The following RAD51C variants were observed in gnomAD, a reference collection of about 807,000 sequenced individuals.
RAD51C encodes DNA repair protein RAD51 homolog 3.
A neutral mutation model predicts 45.0 loss-of-function variants in RAD51C; 42 were observed. That is an observed-to-expected ratio of 0.93 (90% confidence interval 0.73 to 1.21). The LOEUF (loss-of-function observed/expected upper bound fraction) is 1.21, where lower values mean the gene tolerates loss of function less well. Among genes scored for constraint, RAD51C ranks in the 50% most tolerant of loss-of-function variants. The probability of loss-of-function intolerance (pLI) is 0.00; values close to 1 mark genes in which losing one functional copy is unlikely to be tolerated. For synonymous variants in RAD51C, 172 were observed against 159.8 expected (o/e 1.08, Z -0.58); for missense variants, 474 against 452.2 (o/e 1.05, Z -0.44).
At chr17:58,698,386 A>G (rs150446223) in intron 3 of RAD51C, among the ~76,000 whole-genome samples, 2,823 of 151,176 alleles carry the variant, frequency 0.019, 43 homozygotes, top group Middle Eastern at 0.041. Context: ...GGGTTTCACT[A>G]TGTTAGCCAG....
chr17:58,728,102 A>G (rs1340007396), intron 7 of RAD51C, among the ~76,000 whole-genome samples: 1 of 151,784 alleles, frequency 6.6e-6, no homozygotes, highest in Non-Finnish European at 1.5e-5. Flanking sequence ...AAAATTAGCC[A>G]GGCATGGTGG....
chr17:58,715,191 C>T (rs992337641), intron 5 of RAD51C, among the ~76,000 whole-genome samples: 6 of 151,848 alleles, frequency 4.0e-5, no homozygotes, highest in Non-Finnish European at 8.8e-5. Context: ...ATAGCTCACC[C>T]CTGTAATTCC....
intron 4 of RAD51C, among the ~76,000 whole-genome samples, chr17:58,705,085 C>T (rs1325229222): frequency 2.0e-5 from 3 of 146,720 alleles, no homozygotes; most frequent in Non-Finnish European, 3.0e-5. Context: ...GTGCTGAGAT[C>T]GTGACACTGC....
chr17:58,710,427 G>A (rs946287558), intron 5 of RAD51C, among the ~76,000 whole-genome samples: 2 of 151,186 alleles, frequency 1.3e-5, no homozygotes, highest in African/African-American at 4.9e-5. Flanking sequence ...GAACCCAGGA[G>A]GCGGAGGTTA....
intron 5 of RAD51C, among the ~76,000 whole-genome samples, chr17:58,716,213 A>C (rs900697023): frequency 6.6e-6 from 1 of 152,120 alleles, no homozygotes; most frequent in South Asian, 2.1e-4. Context: ...TATAATTGCT[A>C]TATAAATATT....
Position 58,695,126 on chromosome 17 carries a change from G to T in RAD51C, c.341G>T (p.Gly114Val), listed in dbSNP as rs1555593767. The change falls in exon 2 of 9, where the codon GGA (glycine) becomes GTA (valine). Residue 114 changes from glycine (G) to valine (V), a missense_variant. By Grantham distance (109) the Gly-to-Val change is moderately radical (BLOSUM62 -3). Transcript: ENST00000337432. ...GCACTAGATGATATTCTTGGGGGTG[G>T]AGTGCCCTTAATGAAAACAACAGAA... is the stretch of plus-strand genomic sequence containing the variant. Reference protein sequence around the residue: ...CSALDDILGGGVPLMKTTEIC... With the variant: ...CSALDDILGGVVPLMKTTEIC... The T allele has an allele frequency of 6.2e-7, 1 of 1,614,062 alleles. No homozygotes were observed.
chr17:58,710,087 A>C, intron 5 of RAD51C, 97 bp downstream of exon 5: 1 of 1,367,796 alleles, frequency 7.3e-7, no homozygotes, highest in Non-Finnish European at 1.0e-6. Flanking sequence ...CCTGACAAAT[A>C]ATATAGACAT....
intron 7 of RAD51C, among the ~76,000 whole-genome samples, chr17:58,728,918 A>G (rs2049284528): frequency 6.6e-6 from 1 of 152,196 alleles, no homozygotes; most frequent in African/African-American, 2.4e-5. Flanking sequence ...TATGAGGCCA[A>G]GATTATTCAG....
At chr17:58,714,323 G>A (rs1030747903) in intron 5 of RAD51C, among the ~76,000 whole-genome samples, 2 of 152,002 alleles carry the variant, frequency 1.3e-5, no homozygotes, top group South Asian at 2.1e-4. Context: ...TAAGCCAAAG[G>A]AATCGATTTT....
At chr17:58,712,080 G>A (rs548986011) in intron 5 of RAD51C, among the ~76,000 whole-genome samples, 14 of 151,738 alleles carry the variant, frequency 9.2e-5, no homozygotes, top group East Asian at 7.7e-4. Context: ...CGGGCACGGC[G>A]GCTCACATCT....
chr17:58,708,656 T>C (rs1009365816), intron 4 of RAD51C, among the ~76,000 whole-genome samples: 1 of 152,032 alleles, frequency 6.6e-6, no homozygotes, highest in African/African-American at 2.4e-5. Context: ...TCTTAAGGTT[T>C]ATATATTGGT....
Position 58,729,763 on chromosome 17 carries a change from G to C in RAD51C, c.966-2721G>C, listed in dbSNP as rs142092858. On this transcript the variant is annotated intron_variant, in intron 7 of 8. Coordinates refer to ENST00000337432, the MANE Select transcript of RAD51C (RefSeq NM_058216.3). Reference sequence around the variant, plus strand: ...ACTTTTGTATTTTTAGTAGAGACAGGGTTTCACCATTTTGACCAGGCTGGT... The same window carrying C: ...ACTTTTGTATTTTTAGTAGAGACAGCGTTTCACCATTTTGACCAGGCTGGT... Among the ~76,000 whole-genome samples the C allele has an allele frequency of 5.0e-3, 760 of 151,642 alleles. 5 individuals carry two copies. The highest frequency in any genetic ancestry group is 0.018 in the African/African-American group (735 of 41,358).
chr17:58,717,735 CAAAGAAAA>C (rs2143910296), intron 5 of RAD51C, among the ~76,000 whole-genome samples: 1 of 151,728 alleles, frequency 6.6e-6, no homozygotes, highest in Non-Finnish European at 1.5e-5. Flanking sequence ...GACCTTGTCT[CAAAGAAAA>C]AAAGAAAAAG....
At chr17:58,700,135 G>A (rs1229927288) in intron 3 of RAD51C, 1 of 152,242 alleles carries the variant, frequency 6.6e-6, no homozygotes, top group African/African-American at 2.4e-5. Context: ...GGGATTATGA[G>A]TGTGAACACC....
chr17:58,732,701 A>G, intron 8 of RAD51C, 157 bp downstream of exon 8: 1 of 701,232 alleles, frequency 1.4e-6, no homozygotes. Flanking sequence ...ATAGTAGTAT[A>G]TACAGAATAT....
rs929872458 is a variant in RAD51C at position 58,720,828 on chromosome 17, G to C, written c.904+16G>C. 6.3e-7 allele frequency: 1 copy of C among 1,592,234 alleles called. No homozygotes were observed. Among genetic ancestry groups the C allele is most frequent in the African/African-American group, 1.3e-5 (1 of 74,408 alleles). ...CCTGCATTAGGTGGGTAATTAATCA[G>C]ATAAACATTTTAGTTTATCACAGTT... On this transcript the variant is annotated intron_variant, in intron 6 of 8. Coordinates refer to ENST00000337432, the MANE Select transcript of RAD51C (RefSeq NM_058216.3).
intron 4 of RAD51C, 25 bp downstream of exon 4, chr17:58,703,354 A>G (rs1313626841): frequency 6.2e-7 from 1 of 1,600,478 alleles, no homozygotes; most frequent in Non-Finnish European, 8.6e-7. Context: ...ACTGAAATGT[A>G]ACTAACCAAG....
chr17:58,695,458 T>C, intron 2 of RAD51C: 7 of 825,052 alleles, frequency 8.5e-6, no homozygotes, highest in Non-Finnish European at 1.1e-5. Flanking sequence ...GCGTTATTCA[T>C]TCCTGAGACT....
In RAD51C at chr17:58,695,050, G is replaced by A. The variant is rs876658197; in HGVS notation, c.265G>A (p.Glu89Lys). Residue 89 changes from glutamate (E) to lysine (K), a missense_variant, in exon 2 of 9, where the codon GAA (glutamate) becomes AAA (lysine). Transcript: ENST00000337432. ...SESHKKCTAL[E>K]LLEQEHTQGF... ...GTCACACAAGAAGTGTACAGCACTG[G>A]AACTTCTTGAGCAGGAGCATACCCA... The A allele has an allele frequency of 1.9e-6, 3 of 1,614,050 alleles. No individual in the cohort carries two copies. In the Admixed American group the frequency reaches 5.0e-5, roughly 27 times the overall value.
Sources: gnomAD v4.1 joint callset for allele counts (sites outside exome capture counted in the v4.1 genomes callset) on GRCh38, gnomAD v4.1.1 for gene constraint, MANE v1.5 for transcripts, NCBI Gene and HGNC (gene_info 2026-07-23, HGNC 2026-07-21) for gene names.